Variants in DENND1B observed in about 807,000 individuals in gnomAD.
DENND1B encodes DENN domain containing 1B, also known as DENN domain-containing protein 1B.
DENND1B carries 59 observed loss-of-function variants against 90.1 expected under a neutral mutation model. The observed-to-expected ratio is 0.65, with a 90% CI of 0.53 to 0.81. The LOEUF is 0.81. DENND1B is among the 40% of genes least tolerant of loss of function. The pLI, the probability that DENND1B is intolerant of heterozygous loss-of-function variation, is 0.00. For missense variants in DENND1B, 862 were observed against 912.6 expected (o/e 0.94, Z 0.71); for synonymous variants, 337 against 324.6 (o/e 1.04, Z -0.41).
intron 2 of DENND1B, among the ~76,000 whole-genome samples, chr1:197,717,894 A>C (rs778083112): frequency 3.6e-4 from 55 of 152,070 alleles, no homozygotes; most frequent in Non-Finnish European, 5.6e-4. Context: ...GAATTCAAAG[A>C]TGATTAAATG....
At chr1:197,706,036 T>C (rs567890736) in intron 3 of DENND1B, among the ~76,000 whole-genome samples, 1 of 152,278 alleles carries the variant, frequency 6.6e-6, no homozygotes, top group African/African-American at 2.4e-5. Context: ...TAAAAAAGTA[T>C]TCTTTCATGT....
intron 15 of DENND1B, among the ~76,000 whole-genome samples, chr1:197,555,329 G>C (rs1460727005): frequency 6.6e-6 from 1 of 151,984 alleles, no homozygotes; most frequent in Non-Finnish European, 1.5e-5. Flanking sequence ...GTCTTCAAAA[G>C]TAAATGTAAC....
chr1:197,751,977 G>A (rs968058962), intron 2 of DENND1B, among the ~76,000 whole-genome samples: 3 of 138,802 alleles, frequency 2.2e-5, no homozygotes, highest in African/African-American at 8.2e-5. Context: ...GGAGGAGAAG[G>A]AGAAGAAGAA....
chr1:197,587,408 A>G (rs967791002), intron 14 of DENND1B, among the ~76,000 whole-genome samples: 12 of 152,204 alleles, frequency 7.9e-5, no homozygotes, highest in African/African-American at 2.9e-4. Flanking sequence ...GGGCAAAAAG[A>G]AAGGAATCAA....
upstream of DENND1B, chr1:197,775,558 A>T (rs996203978): frequency 4.4e-5 from 7 of 157,406 alleles, no homozygotes; most frequent in Non-Finnish European, 8.4e-5. Context: ...TGCGGCTCGC[A>T]AGTCGGAGAC....
chr1:197,737,448 A>C (rs1029393494), intron 2 of DENND1B, among the ~76,000 whole-genome samples: 4 of 152,196 alleles, frequency 2.6e-5, no homozygotes, highest in African/African-American at 9.7e-5. Context: ...ACTGAATAGC[A>C]GCTCTTTCTA....
At chr1:197,717,949 G>C (rs925503124) in intron 2 of DENND1B, among the ~76,000 whole-genome samples, 11 of 151,932 alleles carry the variant, frequency 7.2e-5, no homozygotes, top group African/African-American at 2.7e-4. Flanking sequence ...TCAGTTCAGA[G>C]ACTACATACT....
At chr1:197,523,381 G>T (rs1668910567) in intron 20 of DENND1B, among the ~76,000 whole-genome samples, 1 of 152,082 alleles carries the variant, frequency 6.6e-6, no homozygotes, top group East Asian at 1.9e-4. Flanking sequence ...CAGATATAAG[G>T]AAGTTTCTCT....
chr1:197,757,077 A>C (rs1385798081), intron 2 of DENND1B, among the ~76,000 whole-genome samples: 1 of 151,806 alleles, frequency 6.6e-6, no homozygotes, highest in African/African-American at 2.4e-5. Context: ...GTTACAAAAG[A>C]GATGTACCTG....
chr1:197,689,950 G>A (rs1406181031), intron 3 of DENND1B: 1 of 153,750 alleles, frequency 6.5e-6, no homozygotes, highest in African/African-American at 2.4e-5. Flanking sequence ...GCTGCTTAAA[G>A]CTCTGAATTG....
intron 2 of DENND1B, among the ~76,000 whole-genome samples, chr1:197,756,765 A>T (rs1654359999): frequency 6.6e-6 from 1 of 151,628 alleles, no homozygotes; most frequent in South Asian, 2.1e-4. Flanking sequence ...AACATTAGAT[A>T]CTTGTGTGTA....
chr1:197,536,829 C>A (rs1349747919), intron 20 of DENND1B, among the ~76,000 whole-genome samples: 2 of 152,060 alleles, frequency 1.3e-5, no homozygotes, highest in Admixed American at 6.6e-5. Context: ...ATCATGACAT[C>A]AGCAGATCGA....
chr1:197,685,281 T>C (rs889250997), intron 3 of DENND1B, among the ~76,000 whole-genome samples: 31 of 152,190 alleles, frequency 2.0e-4, no homozygotes, highest in Non-Finnish European at 1.8e-4. Flanking sequence ...TATTTCATCT[T>C]AAGCTCAGGA....
chr1:197,781,175 A>G, the DENND1B span, among the ~76,000 whole-genome samples: 8 of 152,212 alleles, frequency 5.3e-5, no homozygotes, highest in African/African-American at 1.4e-4. Flanking sequence ...CTTCAGGTTC[A>G]GTATAAATTA....
chr1:197,617,644 C>A lies in DENND1B; in HGVS notation c.773+15G>T. 6.3e-7 allele frequency: 1 copy of A among 1,597,116 alleles called. No individual in the cohort carries two copies. The highest frequency in any genetic ancestry group is 2.2e-5 in the East Asian group (1 of 44,628). ...GAAACCTAAACTTAAAGGAGTCTGG[C>A]AAAAGCCAGCTTACCAGCAGTAGTC... On this transcript the variant is annotated intron_variant, in intron 11 of 22. Coordinates refer to ENST00000620048, the MANE Select transcript of DENND1B (RefSeq NM_001195215.2).
chr1:197,637,201 TAAC>T (rs2125909324), intron 10 of DENND1B, among the ~76,000 whole-genome samples: 1 of 152,090 alleles, frequency 6.6e-6, no homozygotes, highest in Admixed American at 6.6e-5. Context: ...TAAAAAATAC[TAAC>T]ATTATCACTG....
At chr1:197,700,049 A>G (rs765992294) in intron 3 of DENND1B, among the ~76,000 whole-genome samples, 1 of 152,222 alleles carries the variant, frequency 6.6e-6, no homozygotes, top group Non-Finnish European at 1.5e-5. Context: ...AGTAATTTAT[A>G]GATTCAATGT....
At chr1:197,722,936 G>A (rs547098272) in intron 2 of DENND1B, among the ~76,000 whole-genome samples, 6 of 151,980 alleles carry the variant, frequency 3.9e-5, no homozygotes, top group Admixed American at 1.3e-4. Context: ...ATCTTCATTC[G>A]AATAAGCCAT....
At position 197,510,165 on chromosome 1, in the gene DENND1B, T is replaced by C. The variant is rs1223129719; in HGVS notation, c.*295A>G. Reference sequence around the variant, plus strand: ...TTATGTGCATGGGTTACATATGCATTCTTAGCTTAAATAAAATAAACGGCA... The same window carrying C: ...TTATGTGCATGGGTTACATATGCATCCTTAGCTTAAATAAAATAAACGGCA... On this transcript the variant is annotated 3_prime_UTR_variant, in exon 23 of 23. Coordinates refer to ENST00000620048, the MANE Select transcript of DENND1B (RefSeq NM_001195215.2). The C allele has an allele frequency of 2.9e-6, 1 of 342,026 alleles. No individual in the cohort carries two copies. Among genetic ancestry groups the C allele is most frequent in the African/African-American group, 2.1e-5 (1 of 46,526 alleles). The allele number at this position is 342,026 out of a possible 1,614,324, so 21.2% of individuals were successfully genotyped here. A position where few individuals can be genotyped will look rare whatever the true frequency, so the allele number is the denominator to read the frequency against.
Sources: gnomAD v4.1 joint callset for allele counts (sites outside exome capture counted in the v4.1 genomes callset) on GRCh38, gnomAD v4.1.1 for gene constraint, MANE v1.5 for transcripts, NCBI Gene and HGNC (gene_info 2026-07-23, HGNC 2026-07-21) for gene names.